Variants in ASMT observed in about 807,000 individuals in gnomAD.
The protein encoded by ASMT is acetylserotonin O-methyltransferase.
ASMT carries 53 observed loss-of-function variants against 41.3 expected under a neutral mutation model. The ratio of observed to expected loss-of-function variants is 1.28; its 90% CI spans 1.03 to 1.61. The LOEUF (loss-of-function observed/expected upper bound fraction) is 1.61. Ranked by LOEUF, ASMT falls within the 40% of genes most tolerant of loss-of-function variation. The pLI is 0.00. For synonymous variants in ASMT, 231 were observed against 184.8 expected (o/e 1.25, Z -2.03); for missense variants, 531 against 441.3 (o/e 1.20, Z -1.82).
intron 3 of ASMT, 131 bp from the exon 4 acceptor site, chrX:1,627,572 G>A (rs180891638): frequency 1.1e-6 from 1 of 950,018 alleles, no homozygotes; most frequent in African/African-American, 1.6e-5. Context: ...AGTGAGCCGA[G>A]ATCGTGCCAT....
At chrX:1,625,180 T>C (rs1419485721) in intron 3 of ASMT, among the ~76,000 whole-genome samples, 14 of 149,960 alleles carry the variant, frequency 9.3e-5, no homozygotes, top group Non-Finnish European at 1.6e-4. Flanking sequence ...TCTCGGCTCA[T>C]TGCAAGCTAT....
intron 7 of ASMT, among the ~76,000 whole-genome samples, chrX:1,635,715 A>T (rs1164964288): frequency 6.6e-6 from 1 of 151,664 alleles, no homozygotes; most frequent in African/African-American, 2.4e-5. Flanking sequence ...TACAAAAATT[A>T]GCCGGGCGTG....
intron 4 of ASMT, among the ~76,000 whole-genome samples, chrX:1,628,578 C>G (rs1175249898): frequency 6.6e-6 from 1 of 150,582 alleles, no homozygotes; most frequent in Non-Finnish European, 1.5e-5. Flanking sequence ...GCCCCCCAAC[C>G]TCTCCTCTCC....
chrX:1,620,995 C>T (rs1934318824), intron 1 of ASMT, among the ~76,000 whole-genome samples: 1 of 151,740 alleles, frequency 6.6e-6, no homozygotes, highest in African/African-American at 2.4e-5. Context: ...ACTCGGGAGG[C>T]TGGGGCAAGA....
chrX:1,618,670 C>T (rs1166333185), intron 1 of ASMT, among the ~76,000 whole-genome samples: 2 of 151,620 alleles, frequency 1.3e-5, no homozygotes, highest in South Asian at 2.1e-4. Flanking sequence ...CTCCTGACCT[C>T]GGGTGATCTG....
At chrX:1,615,345 G>A in intron 1 of ASMT, 77 bp downstream of exon 1, 1 of 1,314,058 alleles carries the variant, frequency 7.6e-7, no homozygotes, top group South Asian at 1.3e-5. Flanking sequence ...TGTCAGTCGA[G>A]AAAAATGATG....
intron 8 of ASMT, among the ~76,000 whole-genome samples, chrX:1,640,998 ATC>A (rs1935128869): frequency 3.6e-4 from 1 of 2,770 alleles, no homozygotes; most frequent in Non-Finnish European, 1.0e-3. Context: ...CATCCTGATG[ATC>A]CATGAGGATG....
At chrX:1,637,048 TGGCACATG>T in intron 8 of ASMT, among the ~76,000 whole-genome samples, 2 of 103,976 alleles carry the variant, frequency 1.9e-5, no homozygotes, top group Admixed American at 9.2e-5. Context: ...TCCATCCTGA[TGGCACATG>T]AGGATGTGGG....
intron 5 of ASMT, among the ~76,000 whole-genome samples, chrX:1,630,382 C>A (rs190732546): frequency 0.019 from 2,627 of 140,396 alleles, 62 homozygotes; most frequent in African/African-American, 0.066. Context: ...CTCGGCTCAC[C>A]GCAACCTCCG....
chrX:1,642,573 G>A lies in ASMT; in HGVS notation c.911-230G>A, dbSNP rs758528308. Among the ~76,000 whole-genome samples, 20 of 151,752 alleles carry A rather than the reference G, an allele frequency of 1.3e-4. 1 individual carries two copies. The South Asian group carries it at 4.0e-3, about 30-fold the overall frequency. The stretch of plus-strand genomic sequence containing the variant: ...AGGTCCATCCATCCTGATGGTTCAT[G>A]AGGACATGGGCACAGCCTCTATGTG... On this transcript the variant is annotated intron_variant, in intron 8 of 8. Coordinates refer to ENST00000381241, the MANE Select transcript of ASMT (RefSeq NM_001171038.2).
chrX:1,616,662 G>C (rs1369467308), intron 1 of ASMT, among the ~76,000 whole-genome samples: 18 of 151,370 alleles, frequency 1.2e-4, no homozygotes, highest in Non-Finnish European at 1.9e-4. Flanking sequence ...TTTAGCCCAG[G>C]AATTCGAGAC....
chrX:1,628,304 A>G (rs1322196667), intron 4 of ASMT, among the ~76,000 whole-genome samples: 3 of 152,194 alleles, frequency 2.0e-5, no homozygotes, highest in Admixed American at 6.5e-5. Context: ...CTGGGCAACA[A>G]GAGTGAAACT....
intron 1 of ASMT, among the ~76,000 whole-genome samples, chrX:1,621,789 G>A (rs1237215566): frequency 2.6e-5 from 4 of 152,076 alleles, no homozygotes; most frequent in Admixed American, 1.3e-4. Context: ...TCTGCCTCCC[G>A]GGTGCAAGTG....
chrX:1,617,217 C>G (rs1289420212), intron 1 of ASMT, among the ~76,000 whole-genome samples: 1 of 151,326 alleles, frequency 6.6e-6, no homozygotes, highest in South Asian at 2.1e-4. Flanking sequence ...GCCTGTCATC[C>G]CAGCACTTTT....
intron 7 of ASMT, 133 bp from the exon 8 acceptor site, chrX:1,636,305 G>C (rs1934960120): frequency 2.3e-6 from 3 of 1,325,368 alleles, no homozygotes; most frequent in Non-Finnish European, 1.1e-6. Context: ...TCTGAGGCTA[G>C]GTCTGCAGGT....
At chrX:1,642,759 CTG>C in intron 8 of ASMT, 42 bp from the exon 9 acceptor site, 1 of 1,569,040 alleles carries the variant, frequency 6.4e-7, no homozygotes, top group Non-Finnish European at 8.8e-7. Context: ...CACAGTCTGT[CTG>C]TGTGTTTGTG....
intron 1 of ASMT, among the ~76,000 whole-genome samples, chrX:1,617,608 G>C (rs778361464): frequency 4.6e-5 from 7 of 150,954 alleles, no homozygotes; most frequent in African/African-American, 1.7e-4. Flanking sequence ...GGTTTTTTTT[G>C]TTTGTTTTTT....
chrX:1,631,773 G>A (rs1934786205), intron 5 of ASMT, among the ~76,000 whole-genome samples: 1 of 152,062 alleles, frequency 6.6e-6, no homozygotes, highest in African/African-American at 2.4e-5. Flanking sequence ...AAAAAGGCTG[G>A]GTGCGGTGGC....
intron 1 of ASMT, among the ~76,000 whole-genome samples, chrX:1,618,789 A>C (rs747671138): frequency 2.4e-4 from 37 of 152,342 alleles, no homozygotes; most frequent in African/African-American, 7.7e-4. Context: ...CCCAGACAAC[A>C]GTAACTTGCT....
Sources: gnomAD v4.1 joint callset for allele counts (sites outside exome capture counted in the v4.1 genomes callset) on GRCh38, gnomAD v4.1.1 for gene constraint, MANE v1.5 for transcripts, NCBI Gene and HGNC (gene_info 2026-07-23, HGNC 2026-07-21) for gene names.